The following FRMD4B variants were observed in gnomAD, a reference collection of about 807,000 sequenced individuals.
The protein encoded by FRMD4B is FERM domain containing 4B.
Under a neutral mutation model 141.5 loss-of-function variants are expected in FRMD4B, and 74 were observed. That is an observed-to-expected ratio of 0.52 (90% confidence interval 0.43 to 0.63). The LOEUF (loss-of-function observed/expected upper bound fraction) is 0.63, where lower values mean the gene tolerates loss of function less well. Ranked by LOEUF, FRMD4B falls within the 30% of genes least tolerant of loss-of-function variation. The pLI, the probability that FRMD4B is intolerant of heterozygous loss-of-function variation, is 0.00. For synonymous variants in FRMD4B, 506 were observed against 467.9 expected, an observed-to-expected ratio of 1.08 and a Z score of -1.05; for missense variants, 1,366 against 1,253.4, an observed-to-expected ratio of 1.09 and a Z score of -1.36.
chr3:69,538,552 AC>A (rs1206855885), intron 1 of FRMD4B, among the ~76,000 whole-genome samples: 1 of 152,170 alleles, frequency 6.6e-6, no homozygotes, highest in African/African-American at 2.4e-5. Context: ...GTCTTGTTAT[AC>A]CTAAAAAAAA....
In FRMD4B at chr3:69,181,706, C is replaced by T. The variant is rs772253988; in HGVS notation, c.2044G>A (p.Glu682Lys). 10 of 1,605,548 alleles carry T rather than the reference C, an allele frequency of 6.2e-6. No homozygotes were observed. Among genetic ancestry groups the T allele is most frequent in the South Asian group, 4.4e-5 (4 of 90,458 alleles). Residue 682 changes from glutamate (E) to lysine (K), a missense_variant, in exon 21 of 23, where the codon GAA (glutamate) becomes AAA (lysine). By Grantham distance (56) the Glu-to-Lys change is moderately conservative. Transcript: ENST00000398540. Reference protein sequence around the residue: ...NAYSSSHLEPESSSQHCRQRS... With the variant: ...NAYSSSHLEPKSSSQHCRQRS... ...TGGCGGCAGTGCTGAGATGAAGATTCGGGTCTGAAAGAGGAGAAAGGCAAA... is the reference window on the plus strand; with the variant it reads ...TGGCGGCAGTGCTGAGATGAAGATTTGGGTCTGAAAGAGGAGAAAGGCAAA...
intron 1 of FRMD4B, among the ~76,000 whole-genome samples, chr3:69,509,937 G>C (rs1357658944): frequency 6.6e-6 from 1 of 150,990 alleles, no homozygotes; most frequent in African/African-American, 2.4e-5. Flanking sequence ...TAAAAGTTCT[G>C]TTTACACTCT....
At chr3:69,505,982 T>C (rs1454979778) in intron 1 of FRMD4B, among the ~76,000 whole-genome samples, 2 of 152,198 alleles carry the variant, frequency 1.3e-5, no homozygotes, top group Admixed American at 1.3e-4. Context: ...AGCTGCCTCA[T>C]TTACAGCTGC....
chr3:69,180,968 T>G lies in FRMD4B; in HGVS notation c.2782A>C (p.Arg928=), dbSNP rs1257940199. The G allele has an allele frequency of 6.2e-7, 1 of 1,613,904 alleles. No individual in the cohort carries two copies. Among genetic ancestry groups the G allele is most frequent in the Non-Finnish European group, 8.5e-7 (1 of 1,179,830 alleles). ...TSFDSDRGSQ[R]CLGFAGLQVP... ...TGCAGCCCCGCAAACCCCAGGCATCTCTGTGATCCCCTGTCTGAGTCAAAG... is the reference window on the plus strand; with the variant it reads ...TGCAGCCCCGCAAACCCCAGGCATCGCTGTGATCCCCTGTCTGAGTCAAAG... Residue 928 remains arginine (R), a synonymous_variant, in exon 21 of 23, where the codon AGA becomes CGA. Transcript: ENST00000398540.
At chr3:69,175,732 G>A (rs1344235149) in intron 22 of FRMD4B, among the ~76,000 whole-genome samples, 2 of 150,162 alleles carry the variant, frequency 1.3e-5, no homozygotes, top group Non-Finnish European at 1.5e-5. Context: ...AACAGAATGC[G>A]TTAGATGAGG....
At chr3:69,198,594 A>AAAT in intron 12 of FRMD4B, 104 bp downstream of exon 12, 3 of 685,412 alleles carry the variant, frequency 4.4e-6, no homozygotes, top group Non-Finnish European at 5.3e-6. Flanking sequence ...TACACCCAAG[A>AAAT]GAAATGAAAA....
At chr3:69,342,761 G>A (rs1160649249) in intron 1 of FRMD4B, among the ~76,000 whole-genome samples, 1 of 152,024 alleles carries the variant, frequency 6.6e-6, no homozygotes, top group African/African-American at 2.4e-5. Flanking sequence ...ATTTCTTTAT[G>A]TTGGGAACAT....
At chr3:69,243,714 T>C (rs1044682479) in intron 7 of FRMD4B, among the ~76,000 whole-genome samples, 3 of 152,148 alleles carry the variant, frequency 2.0e-5, no homozygotes, top group African/African-American at 7.2e-5. Context: ...TAATAGCTAA[T>C]GTGGTAAGAC....
chr3:69,385,836 C>A lies in FRMD4B; in HGVS notation c.154G>T (p.Val52Leu). The change falls in exon 1 of 23, where the codon GTG becomes TTG. Residue 52 changes from valine to leucine, a missense_variant. Transcript: ENST00000398540. ...CGCGCGCTCCAGCTCACCTGGTACA[C>A]GTCCTGCAGCCCGCACCACGTCCGC... is the stretch of plus-strand genomic sequence containing the variant. ...VLRTWCGLQDVYQMTEGRHCQ... is the reference protein window; with the variant it reads ...VLRTWCGLQDLYQMTEGRHCQ... The A allele has an allele frequency of 6.3e-7, 1 of 1,580,570 alleles. No individual in the cohort carries two copies. The highest frequency in any genetic ancestry group is 8.6e-7 in the Non-Finnish European group (1 of 1,163,416).
chr3:69,405,801 A>C (rs866668408), intron 2 of FRMD4B, among the ~76,000 whole-genome samples: 1 of 152,226 alleles, frequency 6.6e-6, no homozygotes, highest in Non-Finnish European at 1.5e-5. Context: ...TCTGGTCTGC[A>C]GAAAAAGCCT....
chr3:69,195,117 C>A lies in FRMD4B; in HGVS notation c.1393G>T (p.Glu465Ter). Residue 465 changes from glutamate to a stop codon, truncating the protein, a stop_gained, in exon 16 of 23, where the codon GAG becomes TAG. Transcript: ENST00000398540. LOFTEE classifies it high-confidence loss of function. ...TTCTCGCCTATGTTCAGGGGATACT[C>A]CTTTGGCATTTTGCCTGTGAGCTCC... ...EAELTGKMPKEYPLNIGEKPP... is the reference protein window; with the variant it reads ...EAELTGKMPK The A allele has an allele frequency of 6.2e-7, 1 of 1,613,962 alleles. No individual in the cohort carries two copies. The highest frequency in any genetic ancestry group is 1.1e-5 in the South Asian group (1 of 91,078).
At chr3:69,247,439 G>A (rs2093432371) in intron 7 of FRMD4B, among the ~76,000 whole-genome samples, 1 of 152,168 alleles carries the variant, frequency 6.6e-6, no homozygotes, top group Non-Finnish European at 1.5e-5. Flanking sequence ...TGTGTTCCTT[G>A]CATATCTGAT....
intron 5 of FRMD4B, among the ~76,000 whole-genome samples, chr3:69,256,821 C>CT (rs2093496066): frequency 2.0e-5 from 3 of 152,194 alleles, no homozygotes; most frequent in Admixed American, 2.0e-4. Context: ...TACTCACATC[C>CT]TTTGGGTACA....
chr3:69,208,728 T>A (rs575596190), intron 11 of FRMD4B, among the ~76,000 whole-genome samples: 7 of 152,326 alleles, frequency 4.6e-5, no homozygotes, highest in African/African-American at 1.7e-4. Flanking sequence ...TTTATGTCTT[T>A]ATTTCTTTGC....
chr3:69,483,379 T>C (rs944543410), intron 1 of FRMD4B, among the ~76,000 whole-genome samples: 1 of 152,230 alleles, frequency 6.6e-6, no homozygotes, highest in Admixed American at 6.5e-5. Flanking sequence ...CCTTATGAAG[T>C]GCTTACACTG....
intron 1 of FRMD4B, among the ~76,000 whole-genome samples, chr3:69,374,683 A>G (rs1703917921): frequency 1.3e-5 from 2 of 152,196 alleles, no homozygotes; most frequent in African/African-American, 4.8e-5. Flanking sequence ...AGCAACTAAA[A>G]GTTGTAAGCA....
At chr3:69,270,901 A>G (rs1177370884) in intron 5 of FRMD4B, among the ~76,000 whole-genome samples, 1 of 152,212 alleles carries the variant, frequency 6.6e-6, no homozygotes, top group Non-Finnish European at 1.5e-5. Context: ...ACATACAAAT[A>G]AATTTGATTT....
chr3:69,323,577 CA>C (rs1177045345), intron 1 of FRMD4B, among the ~76,000 whole-genome samples: 1 of 129,634 alleles, frequency 7.7e-6, no homozygotes, highest in Non-Finnish European at 1.7e-5. Flanking sequence ...AAAAACAAAA[CA>C]AAAACCCAAC....
intron 1 of FRMD4B, among the ~76,000 whole-genome samples, chr3:69,481,773 C>A (rs1397446883): frequency 6.6e-6 from 1 of 152,170 alleles, no homozygotes; most frequent in Non-Finnish European, 1.5e-5. Context: ...AGAATCTGAT[C>A]CCAGAGAAGG....
Sources: allele counts gnomAD v4.1 joint callset (sites outside exome capture counted in the v4.1 genomes callset), GRCh38; gene constraint gnomAD v4.1.1; transcripts MANE v1.5; gene names NCBI Gene and HGNC (gene_info 2026-07-23, HGNC 2026-07-21).